Variants in APBB1IP observed in about 807,000 individuals in gnomAD.
The protein encoded by APBB1IP is amyloid beta A4 precursor protein-binding family B member 1-interacting protein.
APBB1IP carries 27 observed loss-of-function variants against 64.9 expected under a neutral mutation model. The ratio of observed to expected loss-of-function variants is 0.42; its 90% CI spans 0.31 to 0.57. The LOEUF is 0.57. APBB1IP is among the 20% of genes least tolerant of loss of function. APBB1IP has a pLI of 0.20. For missense variants in APBB1IP, 812 were observed against 845.5 expected, an observed-to-expected ratio of 0.96 and a Z score of 0.49; for synonymous variants, 392 against 331.0, an observed-to-expected ratio of 1.18 and a Z score of -2.00.
chr10:26,565,553 A>T (rs892791921), intron 14 of APBB1IP, among the ~76,000 whole-genome samples: 1 of 152,218 alleles, frequency 6.6e-6, no homozygotes, highest in Non-Finnish European at 1.5e-5. Context: ...TACGATCTAA[A>T]CACCTCATTG....
In APBB1IP at chr10:26,455,175, C is replaced by T. The variant is rs368982260; in HGVS notation, c.-1+16322C>T. Among the ~76,000 whole-genome samples the T allele has an allele frequency of 2.0e-3, 303 of 152,270 alleles. 13 individuals are homozygous for T. In the South Asian group the frequency reaches 0.061, roughly 31 times the overall value. On this transcript the variant is annotated intron_variant, in intron 2 of 14. Transcript: ENST00000376236. Reference sequence around the variant, plus strand: ...AGGAAAAACAGTATATGATATTGCTCGGCTAATTTAAATATAAATATGGGC... The same window carrying T: ...AGGAAAAACAGTATATGATATTGCTTGGCTAATTTAAATATAAATATGGGC...
chr10:26,471,623 G>A (rs144297437), intron 2 of APBB1IP, among the ~76,000 whole-genome samples: 113 of 152,170 alleles, frequency 7.4e-4, no homozygotes, highest in African/African-American at 2.6e-3. Context: ...AGAAATGACC[G>A]TAAATCCTTC....
chr10:26,461,266 T>C (rs1009591051), intron 2 of APBB1IP, among the ~76,000 whole-genome samples: 3 of 152,190 alleles, frequency 2.0e-5, no homozygotes, highest in Admixed American at 6.5e-5. Context: ...TATGCATAGA[T>C]TCATAATTCA....
intron 11 of APBB1IP, among the ~76,000 whole-genome samples, chr10:26,559,401 C>CAA (rs35531284): frequency 7.1e-6 from 1 of 141,730 alleles, no homozygotes; most frequent in South Asian, 2.2e-4. Context: ...CCAATTCTAC[C>CAA]AAAAAAAAAA....
chr10:26,443,860 C>T (rs144150655), intron 2 of APBB1IP, among the ~76,000 whole-genome samples: 1 of 152,226 alleles, frequency 6.6e-6, no homozygotes, highest in Non-Finnish European at 1.5e-5. Context: ...AAATACAATT[C>T]AATCATTTTC....
Position 26,443,439 on chromosome 10 carries a change from C to T in APBB1IP, c.-1+4586C>T, listed in dbSNP as rs1589187062. Among the ~76,000 whole-genome samples the T allele has an allele frequency of 1.5e-5, 2 of 131,438 alleles. 1 individual carries two copies. 86.2% of individuals were successfully genotyped at this position (131,438 alleles called of 152,430 possible). ...AAAAAAAAAAGTTTCAAGAGCGAAACTCCATCTCAAAAAAAAAAAATTACT... is the reference window on the plus strand; with the variant it reads ...AAAAAAAAAAGTTTCAAGAGCGAAATTCCATCTCAAAAAAAAAAAATTACT... On this transcript the variant is annotated intron_variant, in intron 2 of 14. Coordinates refer to ENST00000376236, the MANE Select transcript of APBB1IP (RefSeq NM_019043.4).
intron 6 of APBB1IP, among the ~76,000 whole-genome samples, chr10:26,505,707 G>A (rs747396946): frequency 4.1e-4 from 62 of 150,800 alleles, no homozygotes; most frequent in Admixed American, 1.1e-3. Flanking sequence ...CAAAAGTTGC[G>A]CAAGCTCCCA....
intron 2 of APBB1IP, among the ~76,000 whole-genome samples, chr10:26,475,873 G>T (rs1448410073): frequency 1.3e-5 from 2 of 151,772 alleles, no homozygotes; most frequent in African/African-American, 4.8e-5. Flanking sequence ...TTTAACCCAG[G>T]TCGAGTCAAT....
At chr10:26,493,677 T>C (rs144448478) in intron 3 of APBB1IP, among the ~76,000 whole-genome samples, 306 of 152,322 alleles carry the variant, frequency 2.0e-3, no homozygotes, top group African/African-American at 7.1e-3. Flanking sequence ...GTTCAGTTAA[T>C]TTAATACATT....
At chr10:26,558,813 C>A (rs1332176071) in intron 11 of APBB1IP, among the ~76,000 whole-genome samples, 2 of 152,090 alleles carry the variant, frequency 1.3e-5, no homozygotes, top group East Asian at 1.9e-4. Flanking sequence ...ACAACAGAAG[C>A]AATGAGGACT....
chr10:26,505,854 C>A (rs1423281955), intron 6 of APBB1IP, among the ~76,000 whole-genome samples: 1 of 152,160 alleles, frequency 6.6e-6, no homozygotes, highest in African/African-American at 2.4e-5. Flanking sequence ...TTCTGTCCTC[C>A]TCTGCTCAAA....
chr10:26,470,412 G>A (rs1479679101), intron 2 of APBB1IP, among the ~76,000 whole-genome samples: 5 of 152,088 alleles, frequency 3.3e-5, no homozygotes, highest in Admixed American at 2.0e-4. Flanking sequence ...GGAGGCAGGC[G>A]CCTGTAATCC....
chr10:26,534,318 A>AAAAC (rs1836592376), intron 9 of APBB1IP, among the ~76,000 whole-genome samples: 1 of 150,648 alleles, frequency 6.6e-6, no homozygotes, highest in Non-Finnish European at 1.5e-5. Flanking sequence ...AAAAAAAAAA[A>AAAAC]TCGAGGATCT....
At chr10:26,462,668 T>C (rs1835606508) in intron 2 of APBB1IP, among the ~76,000 whole-genome samples, 2 of 152,218 alleles carry the variant, frequency 1.3e-5, no homozygotes, top group Admixed American at 1.3e-4. Context: ...TTGTAAGTAA[T>C]AGTGATTTGT....
intron 2 of APBB1IP, among the ~76,000 whole-genome samples, chr10:26,475,209 G>A (rs916931427): frequency 4.7e-5 from 7 of 149,374 alleles, no homozygotes; most frequent in South Asian, 4.2e-4. Context: ...TGCAACCTCC[G>A]CCTCCCAGGT....
At chr10:26,457,831 A>G (rs552731519) in intron 2 of APBB1IP, among the ~76,000 whole-genome samples, 1 of 152,340 alleles carries the variant, frequency 6.6e-6, no homozygotes, top group South Asian at 2.1e-4. Context: ...TAACAGGAAT[A>G]AGTATAATAC....
intron 6 of APBB1IP, among the ~76,000 whole-genome samples, chr10:26,510,005 C>T (rs1042804306): frequency 2.0e-5 from 3 of 152,088 alleles, no homozygotes; most frequent in African/African-American, 7.2e-5. Context: ...AGTCTCGCTC[C>T]ACCCCCCATG....
At chr10:26,566,863 G>A in intron 14 of APBB1IP, 98 bp from the exon 15 acceptor site, 1 of 1,356,796 alleles carries the variant, frequency 7.4e-7, no homozygotes, top group Non-Finnish European at 9.8e-7. Flanking sequence ...ACTCAGCCTG[G>A]GCGACAGAGT....
intron 8 of APBB1IP, among the ~76,000 whole-genome samples, chr10:26,524,955 C>CTTTTTTTTTTTT (rs56982662): frequency 1.2e-4 from 9 of 73,954 alleles, no homozygotes; most frequent in South Asian, 5.1e-4. Flanking sequence ...TTCTTTCTTT[C>CTTTTTTTTTTTT]TTTTTTTTTT....
Sources: gnomAD v4.1 joint callset for allele counts (sites outside exome capture counted in the v4.1 genomes callset) on GRCh38, gnomAD v4.1.1 for gene constraint, MANE v1.5 for transcripts, NCBI Gene and HGNC (gene_info 2026-07-23, HGNC 2026-07-21) for gene names.